Variants in RASA1 observed in about 807,000 individuals in gnomAD.
RASA1 encodes ras GTPase-activating protein 1.
In RASA1, 25 loss-of-function variants were observed where a neutral mutation model predicts 132.2. The observed-to-expected ratio is 0.19, with a 90% CI of 0.14 to 0.26. The LOEUF (loss-of-function observed/expected upper bound fraction) is 0.26. Among genes scored for constraint, RASA1 ranks in the 10% least tolerant of loss-of-function variants. The pLI is 1.00. For synonymous variants in RASA1, 477 were observed against 449.9 expected (o/e 1.06, Z -0.76); for missense variants, 964 against 1,299.2 (o/e 0.74, Z 3.97).
intron 1 of RASA1, among the ~76,000 whole-genome samples, chr5:87,295,430 C>T (rs1403424049): frequency 2.6e-5 from 4 of 151,298 alleles, no homozygotes; most frequent in African/African-American, 9.7e-5. Flanking sequence ...CTTTTTCTGT[C>T]TTTTGTGATT....
At chr5:87,269,276 T>C in intron 1 of RASA1, 2 of 1,537,076 alleles carry the variant, frequency 1.3e-6, no homozygotes, top group South Asian at 1.2e-5. Flanking sequence ...GTTCTGTCCC[T>C]TCCAAGTTGA....
chr5:87,268,615 C>A lies in RASA1; in HGVS notation c.164C>A (p.Thr55Asn), dbSNP rs780930205. The A allele has an allele frequency of 1.9e-6, 3 of 1,612,076 alleles. No homozygotes were observed. ...GCCCCCTATCCTGGGCTGGTGGAGA[C>A]CGGAGTGGCTGGAACTCTGGGTGGC... is the stretch of plus-strand genomic sequence containing the variant. ...AAAPYPGLVE[T>N]GVAGTLGGGA... Residue 55 changes from threonine to asparagine, a missense_variant, in exon 1 of 25, where the codon ACC (threonine) becomes AAC (asparagine). By Grantham distance (65) the Thr-to-Asn change is moderately conservative (BLOSUM62 0). Transcript: ENST00000274376.
chr5:87,277,870 A>G (rs991251118), intron 1 of RASA1, among the ~76,000 whole-genome samples: 3 of 152,132 alleles, frequency 2.0e-5, no homozygotes, highest in Non-Finnish European at 4.4e-5. Context: ...TGAAAGATGG[A>G]AAGCATATTT....
At chr5:87,338,123 A>T (rs746639770) in intron 5 of RASA1, 32 bp downstream of exon 5, 14 of 1,609,618 alleles carry the variant, frequency 8.7e-6, no homozygotes, top group Non-Finnish European at 1.2e-5. Flanking sequence ...TCAATTCTAG[A>T]TTCTAAATAT....
intron 6 of RASA1, 87 bp downstream of exon 6, chr5:87,341,408 T>G (rs1281093094): frequency 1.0e-6 from 1 of 959,420 alleles, no homozygotes; most frequent in African/African-American, 1.7e-5. Context: ...AAAATTGTTT[T>G]TTAAGGTTTT....
intron 1 of RASA1, among the ~76,000 whole-genome samples, chr5:87,301,543 TC>T (rs1330091074): frequency 6.6e-6 from 1 of 152,186 alleles, no homozygotes; most frequent in Admixed American, 6.5e-5. Flanking sequence ...ACTTCTTGTA[TC>T]CTAGATTATT....
chr5:87,292,871 A>C (rs1754968025), intron 1 of RASA1, among the ~76,000 whole-genome samples: 1 of 152,130 alleles, frequency 6.6e-6, no homozygotes, highest in Admixed American at 6.5e-5. Context: ...TTTTGTTAGA[A>C]TTATACCTAA....
intron 16 of RASA1, 114 bp from the exon 17 acceptor site, chr5:87,376,767 A>G (rs1206217925): frequency 1.9e-5 from 23 of 1,236,278 alleles, no homozygotes; most frequent in East Asian, 4.9e-5. Context: ...AATTTATTCA[A>G]TGGGACATCA....
chr5:87,287,900 TAC>T (rs1156292013), intron 1 of RASA1, among the ~76,000 whole-genome samples: 5 of 139,520 alleles, frequency 3.6e-5, no homozygotes, highest in Admixed American at 7.2e-5. Flanking sequence ...ATACCATATA[TAC>T]ACACACCATA....
chr5:87,379,622 A>T, intron 18 of RASA1, 113 bp from the exon 19 acceptor site: 2 of 1,418,538 alleles, frequency 1.4e-6, no homozygotes, highest in Admixed American at 4.7e-5. Context: ...ATCAATACAC[A>T]CAGAGATACC....
rs1185981969 is a variant in RASA1, at chr5:87,391,259, C to T, written c.*376C>T. The T allele has an allele frequency of 4.6e-5, 18 of 391,956 alleles. No homozygotes were observed. The East Asian group carries it at 7.0e-4, about 15-fold the overall frequency. 24.3% of individuals were successfully genotyped at this position (391,956 alleles called of 1,614,324 possible). On this transcript the variant is annotated 3_prime_UTR_variant, in exon 25 of 25. Coordinates refer to ENST00000274376, the MANE Select transcript of RASA1 (RefSeq NM_002890.3). Reference sequence around the variant, plus strand: ...TCTCTTAGAGAAAGAACTATGAAATCAACTGACAAGAAACACATTCTTATT... The same window carrying T: ...TCTCTTAGAGAAAGAACTATGAAATTAACTGACAAGAAACACATTCTTATT...
chr5:87,383,678 T>TA (rs368117332), intron 20 of RASA1, 35 bp from the exon 21 acceptor site: 109,215 of 1,295,044 alleles, frequency 0.084, 2 homozygotes, highest in Non-Finnish European at 0.093. Flanking sequence ...AGGTGTTTTC[T>TA]AAAAAAAAAA....
intron 1 of RASA1, among the ~76,000 whole-genome samples, chr5:87,304,939 CTTTTTTTTTT>C (rs756572506): frequency 1.6e-5 from 1 of 64,412 alleles, no homozygotes; most frequent in African/African-American, 5.9e-5. Flanking sequence ...TCTTTTAGTC[CTTTTTTTTTT>C]TTTTTTTTTT....
At chr5:87,308,553 T>C (rs1215235151) in intron 1 of RASA1, among the ~76,000 whole-genome samples, 1 of 152,198 alleles carries the variant, frequency 6.6e-6, no homozygotes, top group Non-Finnish European at 1.5e-5. Context: ...AAAAAGTCTT[T>C]ACTCCCTCAT....
intron 11 of RASA1, among the ~76,000 whole-genome samples, chr5:87,369,263 G>A (rs1760751131): frequency 6.6e-6 from 1 of 152,050 alleles, no homozygotes; most frequent in Non-Finnish European, 1.5e-5. Context: ...CAAATGATTT[G>A]AAATAATACT....
chr5:87,312,311 T>C (rs1755984529), intron 1 of RASA1, among the ~76,000 whole-genome samples: 1 of 152,138 alleles, frequency 6.6e-6, no homozygotes, highest in African/African-American at 2.4e-5. Context: ...TGTCTTCTGT[T>C]AAGTTAGATA....
chr5:87,344,019 A>G lies in RASA1; in HGVS notation c.1050-2653A>G, dbSNP rs781406578. On this transcript the variant is annotated intron_variant, in intron 6 of 24. Coordinates refer to ENST00000274376, the MANE Select transcript of RASA1 (RefSeq NM_002890.3). ...TCATATGGGTGCAAAATATTAGAAA[A>G]TTAACTCAGGGAGATAGATAGTAGA... Among the ~76,000 whole-genome samples the G allele has an allele frequency of 2.6e-5, 4 of 152,156 alleles. No homozygotes were observed. The East Asian group carries it at 5.8e-4, about 22-fold the overall frequency.
intron 9 of RASA1, among the ~76,000 whole-genome samples, chr5:87,360,022 T>G (rs541987069): frequency 6.6e-6 from 1 of 152,308 alleles, no homozygotes; most frequent in South Asian, 2.1e-4. Flanking sequence ...GTAATTACTT[T>G]GGTTCTTCTT....
chr5:87,273,326 T>TA lies in RASA1; in HGVS notation c.539+4344dup, dbSNP rs533733090. Among the ~76,000 whole-genome samples the TA allele has an allele frequency of 6.2e-3, 950 of 152,138 alleles. 5 individuals carry two copies. Among genetic ancestry groups the TA allele is most frequent in the African/African-American group, 0.014 (566 of 41,534 alleles). ...GAAAGTTTTGAGAAAATTATAAAAA[T>TA]AAAAAAAATTCTTCCTCTCTATTTC... is the stretch of plus-strand genomic sequence containing the variant. On this transcript the variant is annotated intron_variant, in intron 1 of 24. Coordinates refer to ENST00000274376, the MANE Select transcript of RASA1 (RefSeq NM_002890.3).
Sources: allele counts gnomAD v4.1 joint callset (sites outside exome capture counted in the v4.1 genomes callset), GRCh38; gene constraint gnomAD v4.1.1; transcripts MANE v1.5; gene names NCBI Gene and HGNC (gene_info 2026-07-23, HGNC 2026-07-21).